CFAP54: variants seen among roughly 807,000 people sequenced by gnomAD.
CFAP54 encodes the protein cilia- and flagella-associated protein 54.
A neutral mutation model predicts 370.4 loss-of-function variants in CFAP54; 290 were observed. The observed-to-expected ratio is 0.78, with a 90% CI of 0.71 to 0.86. The LOEUF (loss-of-function observed/expected upper bound fraction) is 0.86. Ranked by LOEUF, CFAP54 falls within the 40% of genes least tolerant of loss-of-function variation. CFAP54 has a pLI of 0.00. For synonymous variants in CFAP54, 1,206 were observed against 1,236.5 expected, an observed-to-expected ratio of 0.98 and a Z score of 0.52; for missense variants, 3,399 against 3,528.7, an observed-to-expected ratio of 0.96 and a Z score of 0.93.
chr12:96,498,303 C>T (rs1014856952), intron 1 of CFAP54, among the ~76,000 whole-genome samples: 4 of 152,202 alleles, frequency 2.6e-5, no homozygotes, highest in South Asian at 2.1e-4. Context: ...ACAGACTGTA[C>T]GCCCTTCACA....
chr12:96,705,927 A>G (rs1429537849), intron 47 of CFAP54, among the ~76,000 whole-genome samples: 1 of 128,708 alleles, frequency 7.8e-6, no homozygotes, highest in Non-Finnish European at 1.6e-5. Context: ...TCATGCTTCA[A>G]GCTCTTCCAA....
rs1184831258 is a variant in CFAP54, at chr12:96,660,769, G to GT, written c.5460+2425dup. Among the ~76,000 whole-genome samples, 3 of 152,092 alleles carry GT rather than the reference G, an allele frequency of 2.0e-5. No homozygotes were observed. In the East Asian group the frequency reaches 5.8e-4, roughly 29 times the overall value. On this transcript the variant is annotated intron_variant, in intron 38 of 67. Transcript: ENST00000524981. Reference sequence around the variant, plus strand: ...TCAGACCCCAGAGGTTGGGGGCTCTGTTCTGACTTCCAGTGTTGATCTCAA... The same window carrying GT: ...TCAGACCCCAGAGGTTGGGGGCTCTGTTTCTGACTTCCAGTGTTGATCTCAA...
chr12:96,504,985 CTTCT>C (rs1442567726), intron 3 of CFAP54, among the ~76,000 whole-genome samples: 8 of 144,246 alleles, frequency 5.5e-5, no homozygotes, highest in East Asian at 2.4e-4. Context: ...CCCTTTCTTT[CTTCT>C]TTCTTTTTCT....
chr12:96,546,125 T>C (rs1484422357), intron 14 of CFAP54, among the ~76,000 whole-genome samples: 1 of 152,118 alleles, frequency 6.6e-6, no homozygotes, highest in Non-Finnish European at 1.5e-5. Flanking sequence ...ATGGTCAGCA[T>C]TGGAAGCAGG....
chr12:96,729,995 G>A lies in CFAP54; in HGVS notation c.6965+9430G>A, dbSNP rs115351872. On this transcript the variant is annotated intron_variant, in intron 50 of 67. Transcript: ENST00000524981. ...CAAATGTGATGTTCTGATATGATTG[G>A]CACACAGTCGAGTAGGAGCCCGGTC... 3.9e-3 allele frequency among the ~76,000 whole-genome samples: 587 copies of A among 152,202 alleles called. 5 individuals are homozygous for A. The highest frequency in any genetic ancestry group is 0.013 in the African/African-American group (531 of 41,542).
chr12:96,610,257 A>C (rs1956342095), intron 26 of CFAP54, among the ~76,000 whole-genome samples: 1 of 152,202 alleles, frequency 6.6e-6, no homozygotes, highest in Non-Finnish European at 1.5e-5. Context: ...GTATAACTTG[A>C]CTCTTCATCT....
intron 25 of CFAP54, 53 bp downstream of exon 25, chr12:96,594,499 C>T (rs1956156922): frequency 7.6e-7 from 1 of 1,322,166 alleles, no homozygotes; most frequent in African/African-American, 1.5e-5. Context: ...GGCAACTTAA[C>T]AATTCATTTT....
At chr12:96,846,547 GAGTCTTGAGC>G (rs760164012) in intron 66 of CFAP54, among the ~76,000 whole-genome samples, 14 of 152,330 alleles carry the variant, frequency 9.2e-5, no homozygotes, top group Middle Eastern at 3.4e-3. Flanking sequence ...CTAGGCCTTG[GAGTCTTGAGC>G]AGTCAGAGTA....
intron 19 of CFAP54, among the ~76,000 whole-genome samples, chr12:96,575,106 C>T (rs982613578): frequency 3.9e-5 from 6 of 152,002 alleles, no homozygotes; most frequent in Admixed American, 3.3e-4. Flanking sequence ...TTTGTATTTT[C>T]ATCCCTAATG....
chr12:96,679,615 A>G lies in CFAP54; in HGVS notation c.5579A>G (p.Lys1860Arg), dbSNP rs1031955016. 7 of 1,612,528 alleles carry G rather than the reference A, an allele frequency of 4.3e-6. No individual in the cohort carries two copies. Among genetic ancestry groups the G allele is most frequent in the Non-Finnish European group, 5.9e-6 (7 of 1,179,356 alleles). The change falls in exon 40 of 68, where the codon AAA (lysine) becomes AGA (arginine). Residue 1860 changes from lysine to arginine, a missense_variant. Lys to Arg is a conservative substitution (Grantham distance 26, BLOSUM62 2). This residue lies in a region of CFAP54 where 2,796 missense variants were observed against 2,869.7 expected (regional missense o/e 0.97). Coordinates refer to ENST00000524981, the MANE Select transcript of CFAP54 (RefSeq NM_001306084.2). ...MLISSEYSRA[K>R]ALVCVPVDVT... ...TTCCTTTCAGAATACAGCCGAGCCA[A>G]AGCGCTTGTCTGCGTGCCCGTGGAC...
intron 32 of CFAP54, among the ~76,000 whole-genome samples, chr12:96,634,687 T>C (rs1290081559): frequency 6.6e-6 from 1 of 152,302 alleles, no homozygotes; most frequent in Non-Finnish European, 1.5e-5. Context: ...AGGTCCTTTT[T>C]TTCCCCTGCT....
chr12:96,853,775 T>A (rs1959622391), intron 66 of CFAP54, among the ~76,000 whole-genome samples: 1 of 152,136 alleles, frequency 6.6e-6, no homozygotes, highest in Admixed American at 6.5e-5. Context: ...CAACAAGGAT[T>A]AATAACTCCT....
chr12:96,594,436 C>T lies in CFAP54; in HGVS notation c.3506C>T (p.Pro1169Leu). 1 of 1,529,316 alleles carries T rather than the reference C, an allele frequency of 6.5e-7. No individual in the cohort carries two copies. Among genetic ancestry groups the T allele is most frequent in the Non-Finnish European group, 8.8e-7 (1 of 1,142,148 alleles). The allele number at this position is 1,529,316 out of a possible 1,614,324, so 94.7% of individuals were successfully genotyped here. A position where few individuals can be genotyped will look rare whatever the true frequency, so the allele number is the denominator to read the frequency against. ...ATTTATCACAATATTGTTTTGGTACCTGTTGTACAGGTAAGGGTATTCCTC... is the reference window on the plus strand; with the variant it reads ...ATTTATCACAATATTGTTTTGGTACTTGTTGTACAGGTAAGGGTATTCCTC... ...PIIYHNIVLVPVVQILIKCIV... is the reference protein window; with the variant it reads ...PIIYHNIVLVLVVQILIKCIV... The change falls in exon 25 of 68, where the codon CCT becomes CTT. Residue 1169 changes from proline to leucine, a missense_variant. Physicochemically the swap from Pro to Leu is moderately conservative, Grantham distance 98 (BLOSUM62 -3). Transcript: ENST00000524981.
intron 48 of CFAP54, among the ~76,000 whole-genome samples, chr12:96,717,995 T>C (rs902115980): frequency 1.3e-5 from 2 of 152,208 alleles, no homozygotes; most frequent in Non-Finnish European, 2.9e-5. Context: ...TTCTATATTA[T>C]CATTGTGTTT....
chr12:96,700,166 C>T, intron 46 of CFAP54, 73 bp downstream of exon 46: 1 of 1,439,794 alleles, frequency 6.9e-7, no homozygotes, highest in Non-Finnish European at 9.5e-7. Context: ...AAGGAACATT[C>T]CCACGAAAGT....
chr12:96,610,340 A>T (rs1474642060), intron 26 of CFAP54, among the ~76,000 whole-genome samples: 1 of 152,222 alleles, frequency 6.6e-6, no homozygotes, highest in African/African-American at 2.4e-5. Flanking sequence ...AAGGATATTT[A>T]TATGGCCTTG....
At chr12:96,650,155 T>C in intron 35 of CFAP54, 83 bp downstream of exon 35, 1 of 1,189,478 alleles carries the variant, frequency 8.4e-7, no homozygotes, top group Non-Finnish European at 1.2e-6. Flanking sequence ...ATTGTGTTTA[T>C]TTTCTTATTA....
chr12:96,573,332 G>T (rs1334689033), intron 19 of CFAP54, among the ~76,000 whole-genome samples: 1 of 152,154 alleles, frequency 6.6e-6, no homozygotes, highest in Non-Finnish European at 1.5e-5. Context: ...TTTTTGTTCA[G>T]GTAGGACTTT....
At chr12:96,572,377 A>C (rs1448489493) in intron 19 of CFAP54, among the ~76,000 whole-genome samples, 3 of 152,178 alleles carry the variant, frequency 2.0e-5, no homozygotes, top group Admixed American at 6.5e-5. Context: ...GATGCTCCAG[A>C]AAGAATGAAA....
Sources: allele counts gnomAD v4.1 joint callset (sites outside exome capture counted in the v4.1 genomes callset), GRCh38; gene constraint gnomAD v4.1.1; regional missense constraint gnomAD v4.1.1; transcripts MANE v1.5; gene names NCBI Gene and HGNC (gene_info 2026-07-23, HGNC 2026-07-21).